The following GLCCI1 variants were observed in gnomAD, a reference collection of about 807,000 sequenced individuals.
The protein encoded by GLCCI1 is glucocorticoid induced 1, also known as glucocorticoid-induced transcript 1 protein.
Under a neutral mutation model 52.2 loss-of-function variants are expected in GLCCI1, and 24 were observed. The ratio of observed to expected loss-of-function variants is 0.46; its 90% CI spans 0.33 to 0.65. GLCCI1 has a LOEUF of 0.65. Among genes scored for constraint, GLCCI1 ranks in the 30% least tolerant of loss-of-function variants. GLCCI1 has a pLI of 0.02. For missense variants in GLCCI1, 704 were observed against 701.5 expected (o/e 1.00, Z -0.04); for synonymous variants, 310 against 276.5 (o/e 1.12, Z -1.20).
At chr7:8,060,400 CAG>C (rs1443382372) in intron 5 of GLCCI1, 152 bp downstream of exon 5, 6 of 588,232 alleles carry the variant, frequency 1.0e-5, no homozygotes, top group East Asian at 6.1e-5. Context: ...TTAACAGATT[CAG>C]AGTTATACAA....
rs187413159 is a variant in GLCCI1 at position 8,074,825 on chromosome 7, A to C, written c.1177+3694A>C. ...TCATTATGAAAACAGAATTAATTAT[A>C]TAATTTTGAAGTCAACTAGGATTGA... On this transcript the variant is annotated intron_variant, in intron 6 of 7. Transcript: ENST00000223145. Among the ~76,000 whole-genome samples, 13 of 152,318 alleles carry C rather than the reference A, an allele frequency of 8.5e-5. No individual in the cohort carries two copies. In the East Asian group the frequency reaches 2.3e-3, roughly 27 times the overall value.
rs1290140294 is a variant in GLCCI1 at position 7,994,061 on chromosome 7, A to G, written c.458-9847A>G. Among the ~76,000 whole-genome samples the G allele has an allele frequency of 3.3e-5, 5 of 152,250 alleles. No individual in the cohort carries two copies. In the East Asian group the frequency reaches 9.7e-4, roughly 29 times the overall value. On this transcript the variant is annotated intron_variant, in intron 1 of 7. Coordinates refer to ENST00000223145, the MANE Select transcript of GLCCI1 (RefSeq NM_138426.4). Reference sequence around the variant, plus strand: ...TGCTATAACAGTGTCACAGACCAGCATGGCCAACATAGTGAAACCCTGTCT... The same window carrying G: ...TGCTATAACAGTGTCACAGACCAGCGTGGCCAACATAGTGAAACCCTGTCT...
At chr7:8,063,457 T>C (rs761546356) in intron 5 of GLCCI1, among the ~76,000 whole-genome samples, 14 of 151,998 alleles carry the variant, frequency 9.2e-5, no homozygotes, top group Non-Finnish European at 2.1e-4. Flanking sequence ...GTTTTTTGAC[T>C]TTTTAATAAC....
At chr7:7,973,487 G>T (rs1780398381) in intron 1 of GLCCI1, among the ~76,000 whole-genome samples, 1 of 151,200 alleles carries the variant, frequency 6.6e-6, no homozygotes, top group Non-Finnish European at 1.5e-5. Flanking sequence ...TCTAAAAGAT[G>T]TAAAAACAGT....
chr7:8,007,950 TA>T (rs906263351), intron 2 of GLCCI1, among the ~76,000 whole-genome samples: 1 of 152,148 alleles, frequency 6.6e-6, no homozygotes, highest in Non-Finnish European at 1.5e-5. Context: ...AAATGTTAAT[TA>T]AAAAAGTAGT....
At chr7:8,056,403 T>C (rs1156363445) in intron 4 of GLCCI1, among the ~76,000 whole-genome samples, 1 of 152,226 alleles carries the variant, frequency 6.6e-6, no homozygotes, top group African/African-American at 2.4e-5. Context: ...TGAGCAACTA[T>C]GCACATTATC....
intron 2 of GLCCI1, among the ~76,000 whole-genome samples, chr7:8,021,192 A>G (rs1348943844): frequency 6.6e-6 from 1 of 152,206 alleles, no homozygotes; most frequent in East Asian, 1.9e-4. Flanking sequence ...GAACTGTAAA[A>G]TAGAACTGAT....
Position 7,969,960 on chromosome 7 carries a change from G to C in GLCCI1, c.457+153G>C. The C allele has an allele frequency of 9.5e-7, 1 of 1,055,988 alleles. No homozygotes were observed. Among genetic ancestry groups the C allele is most frequent in the Non-Finnish European group, 1.2e-6 (1 of 857,518 alleles). 65.4% of individuals were successfully genotyped at this position (1,055,988 alleles called of 1,614,324 possible). A position where few individuals can be genotyped will look rare whatever the true frequency, so the allele number is the denominator to read the frequency against. On this transcript the variant is annotated intron_variant, in intron 1 of 7. Transcript: ENST00000223145. The surrounding 1 kb of genome is among the most constrained non-coding windows in gnomAD (Gnocchi z 4.9). The stretch of plus-strand genomic sequence containing the variant: ...TCTCACCCCCCTGCGGTCGCTGTGG[G>C]GCTTGGAGGAGCGAACTGAAAAGCG...
rs140676023 is a variant in GLCCI1, at chr7:7,976,500, G to A, written c.457+6693G>A. Among the ~76,000 whole-genome samples the A allele has an allele frequency of 8.1e-3, 623 of 76,920 alleles. 7 individuals are homozygous for A. The highest frequency in any genetic ancestry group is 0.022 in the Middle Eastern group (3 of 136). The allele number at this position is 76,920 out of a possible 152,430, so 50.5% of individuals were successfully genotyped here. On this transcript the variant is annotated intron_variant, in intron 1 of 7. Coordinates refer to ENST00000223145, the MANE Select transcript of GLCCI1 (RefSeq NM_138426.4). ...ATCTCAAAAAAAAAAAAAAAAAAAG[G>A]AAAGGAAAAAGGAAAGGAGAAAGGA...
chr7:8,053,335 G>GTGT (rs1554262355), intron 3 of GLCCI1, among the ~76,000 whole-genome samples: 6 of 134,038 alleles, frequency 4.5e-5, no homozygotes, highest in African/African-American at 1.1e-4. Flanking sequence ...TTGTTTGTTT[G>GTGT]TTTGTTTTGA....
chr7:8,012,620 AT>A (rs1451402823), intron 2 of GLCCI1, among the ~76,000 whole-genome samples: 2 of 148,392 alleles, frequency 1.3e-5, no homozygotes, highest in African/African-American at 2.5e-5. Flanking sequence ...AATTTTTTGT[AT>A]TTTTTAGTAG....
At chr7:8,020,315 C>T (rs1056819528) in intron 2 of GLCCI1, among the ~76,000 whole-genome samples, 1 of 152,090 alleles carries the variant, frequency 6.6e-6, no homozygotes, top group Non-Finnish European at 1.5e-5. Context: ...GTTAGGTATA[C>T]CATCCATCAT....
chr7:8,079,221 T>A (rs1334455038), intron 6 of GLCCI1, among the ~76,000 whole-genome samples: 1 of 152,142 alleles, frequency 6.6e-6, no homozygotes, highest in Non-Finnish European at 1.5e-5. Flanking sequence ...CCTCTCTTAT[T>A]GGGAGACCAC....
chr7:8,068,496 T>C (rs1200112475), intron 5 of GLCCI1, among the ~76,000 whole-genome samples: 1 of 152,254 alleles, frequency 6.6e-6, no homozygotes, highest in African/African-American at 2.4e-5. Context: ...TCTGATCAGT[T>C]TGGTTCCTTC....
rs74752655 is a variant in GLCCI1, at chr7:7,996,355, A to G, written c.458-7553A>G. On this transcript the variant is annotated intron_variant, in intron 1 of 7. Coordinates refer to ENST00000223145, the MANE Select transcript of GLCCI1 (RefSeq NM_138426.4). ...CTTTGCTAAAGTTCGTTAAAGGACT[A>G]TCATTCTGCCACCTCCCAAAAAAAC... is the stretch of plus-strand genomic sequence containing the variant. 8.2e-3 allele frequency among the ~76,000 whole-genome samples: 1,250 copies of G among 152,210 alleles called. 21 individuals are homozygous for G. The highest frequency in any genetic ancestry group is 0.029 in the African/African-American group (1,183 of 41,502).
intron 4 of GLCCI1, among the ~76,000 whole-genome samples, chr7:8,057,430 A>G (rs1169414302): frequency 1.3e-5 from 2 of 152,182 alleles, no homozygotes; most frequent in South Asian, 2.1e-4. Flanking sequence ...ACATCATGCT[A>G]AGTGAAAGAA....
chr7:8,016,601 A>G (rs1284350992), intron 2 of GLCCI1, among the ~76,000 whole-genome samples: 1 of 152,214 alleles, frequency 6.6e-6, no homozygotes, highest in Non-Finnish European at 1.5e-5. Flanking sequence ...GAATAAATGA[A>G]TGATTGATAT....
intron 1 of GLCCI1, among the ~76,000 whole-genome samples, chr7:7,986,697 A>G (rs1227154784): frequency 1.3e-5 from 2 of 152,212 alleles, no homozygotes; most frequent in Non-Finnish European, 2.9e-5. Flanking sequence ...AGAGTATTGA[A>G]TGATTTAAAT....
chr7:7,969,345 GC>G lies in GLCCI1; in HGVS notation c.-4del. 6.8e-7 allele frequency: 1 copy of G among 1,478,832 alleles called. No individual in the cohort carries two copies. Among genetic ancestry groups the G allele is most frequent in the African/African-American group, 1.5e-5 (1 of 68,696 alleles). The allele number at this position is 1,478,832 out of a possible 1,614,324, so 91.6% of individuals were successfully genotyped here. On this transcript the variant is annotated 5_prime_UTR_variant, in exon 1 of 8. Transcript: ENST00000223145. The surrounding 1 kb of genome is among the most constrained non-coding windows in gnomAD (Gnocchi z 4.9). ...GCCGGCGGCGTCCAGGGCCCGCAGA[GC>G]CACCATGTCCACTGCCTCCTCCTCC...
Sources: allele counts gnomAD v4.1 joint callset (sites outside exome capture counted in the v4.1 genomes callset), GRCh38; gene constraint gnomAD v4.1.1; non-coding constraint Gnocchi (gnomAD v3.1); transcripts MANE v1.5; gene names NCBI Gene and HGNC (gene_info 2026-07-23, HGNC 2026-07-21).